Variants in FHIT observed in about 807,000 individuals in gnomAD.
FHIT encodes the protein fragile histidine triad diadenosine triphosphatase, also known as bis(5'-adenosyl)-triphosphatase.
FHIT carries 19 observed loss-of-function variants against 17.9 expected under a neutral mutation model. The observed-to-expected ratio is 1.06, with a 90% CI of 0.74 to 1.56. FHIT has a LOEUF of 1.56. FHIT is among the 40% of genes most tolerant of loss of function. The probability of loss-of-function intolerance (pLI) is 0.00; values close to 1 mark genes in which losing one functional copy is unlikely to be tolerated. For synonymous variants in FHIT, 81 were observed against 69.7 expected (o/e 1.16, Z -0.81); for missense variants, 248 against 189.2 (o/e 1.31, Z -1.82).
chr3:60,180,707 G>C (rs768059228), intron 5 of FHIT, among the ~76,000 whole-genome samples: 14 of 152,256 alleles, frequency 9.2e-5, no homozygotes, highest in Non-Finnish European at 1.3e-4. Flanking sequence ...ATTTGACGTT[G>C]ATGCTTTTTC....
chr3:61,181,168 A>G (rs1243213526), intron 2 of FHIT, among the ~76,000 whole-genome samples: 1 of 152,192 alleles, frequency 6.6e-6, no homozygotes, highest in African/African-American at 2.4e-5. Context: ...GTTCTTTGTC[A>G]ACGGAAAGAA....
intron 5 of FHIT, among the ~76,000 whole-genome samples, chr3:60,203,743 T>C (rs1496650): frequency 0.29 from 44,720 of 151,952 alleles, 6,777 homozygotes; most frequent in African/African-American, 0.31. Flanking sequence ...GCAAGAGAGA[T>C]GATAGTTAAT....
intron 5 of FHIT, among the ~76,000 whole-genome samples, chr3:60,498,018 C>T (rs1017634664): frequency 6.6e-6 from 1 of 152,156 alleles, no homozygotes; most frequent in East Asian, 1.9e-4. Context: ...CACAGCTACT[C>T]ATCTGTGTCA....
intron 3 of FHIT, among the ~76,000 whole-genome samples, chr3:60,915,508 T>C (rs1334082847): frequency 6.6e-6 from 1 of 152,194 alleles, no homozygotes; most frequent in Non-Finnish European, 1.5e-5. Context: ...CAATAGCCAG[T>C]GGATTTGAAT....
At chr3:60,440,331 G>A (rs1470213400) in intron 5 of FHIT, among the ~76,000 whole-genome samples, 1 of 151,970 alleles carries the variant, frequency 6.6e-6, no homozygotes, top group Non-Finnish European at 1.5e-5. Context: ...TGAGTGCCCT[G>A]TTACCCGTCT....
intron 5 of FHIT, among the ~76,000 whole-genome samples, chr3:60,516,396 G>A (rs975292768): frequency 2.0e-5 from 3 of 152,022 alleles, no homozygotes; most frequent in African/African-American, 4.8e-5. Context: ...AGATGTCTTC[G>A]CTAAAGCATA....
At chr3:60,931,977 G>T (rs1389067146) in intron 3 of FHIT, among the ~76,000 whole-genome samples, 1 of 152,108 alleles carries the variant, frequency 6.6e-6, no homozygotes, top group Admixed American at 6.5e-5. Context: ...GAACACTAAC[G>T]GCTACCTCAC....
At chr3:60,086,137 C>G (rs1374382788) in intron 5 of FHIT, among the ~76,000 whole-genome samples, 2 of 152,082 alleles carry the variant, frequency 1.3e-5, no homozygotes, top group Admixed American at 6.5e-5. Flanking sequence ...AGAGAGGAAG[C>G]AAGAGAGAGA....
intron 5 of FHIT, among the ~76,000 whole-genome samples, chr3:60,134,900 G>A (rs1324714740): frequency 6.6e-6 from 1 of 151,978 alleles, no homozygotes; most frequent in Non-Finnish European, 1.5e-5. Context: ...AGTCTGCCTT[G>A]GTATAGCCTC....
At chr3:59,999,310 G>A (rs1471415768) in intron 7 of FHIT, among the ~76,000 whole-genome samples, 2 of 152,072 alleles carry the variant, frequency 1.3e-5, no homozygotes, top group Admixed American at 1.3e-4. Flanking sequence ...GACTAACAGG[G>A]CCCATTTTGT....
chr3:60,851,244 A>C (rs1433002094), intron 3 of FHIT, among the ~76,000 whole-genome samples: 1 of 152,140 alleles, frequency 6.6e-6, no homozygotes, highest in Non-Finnish European at 1.5e-5. Context: ...TAATTCCCCC[A>C]CAGAATAAAA....
intron 5 of FHIT, among the ~76,000 whole-genome samples, chr3:60,014,748 A>G (rs1700276631): frequency 6.6e-6 from 1 of 152,204 alleles, no homozygotes. Flanking sequence ...TTATGACAAG[A>G]GTTCCTCAGA....
intron 5 of FHIT, among the ~76,000 whole-genome samples, chr3:60,462,815 A>C (rs1285305436): frequency 6.6e-6 from 1 of 152,216 alleles, no homozygotes; most frequent in Non-Finnish European, 1.5e-5. Flanking sequence ...TCACTGGGCT[A>C]ATACTTGTGA....
chr3:60,646,375 A>G (rs2039857538), intron 4 of FHIT, among the ~76,000 whole-genome samples: 1 of 152,198 alleles, frequency 6.6e-6, no homozygotes, highest in Admixed American at 6.5e-5. Context: ...TTGAAAAACA[A>G]CCGTGTAATT....
At chr3:60,489,589 C>T (rs2033979723) in intron 5 of FHIT, among the ~76,000 whole-genome samples, 1 of 152,204 alleles carries the variant, frequency 6.6e-6, no homozygotes, top group South Asian at 2.1e-4. Flanking sequence ...CACCTGCTTA[C>T]ACCATGCTAC....
chr3:60,251,643 T>C (rs185381738), intron 5 of FHIT, among the ~76,000 whole-genome samples: 25 of 152,326 alleles, frequency 1.6e-4, no homozygotes, highest in Non-Finnish European at 2.8e-4. Flanking sequence ...GTTGTGTGTG[T>C]GTATCTAAAA....
intron 4 of FHIT, among the ~76,000 whole-genome samples, chr3:60,564,408 G>T (rs948160507): frequency 1.3e-5 from 2 of 152,136 alleles, no homozygotes; most frequent in Non-Finnish European, 2.9e-5. Context: ...GATCAAGGAG[G>T]AATTCTGACT....
At chr3:60,260,162 A>C (rs1285289708) in intron 5 of FHIT, among the ~76,000 whole-genome samples, 1 of 152,076 alleles carries the variant, frequency 6.6e-6, no homozygotes, top group African/African-American at 2.4e-5. Context: ...TAGTGTTCTT[A>C]AGGAAGATCT....
intron 8 of FHIT, among the ~76,000 whole-genome samples, chr3:59,880,060 C>T (rs1307414310): frequency 6.6e-6 from 1 of 152,132 alleles, no homozygotes; most frequent in African/African-American, 2.4e-5. Flanking sequence ...AAGATCATGG[C>T]TTCAGATCAC....
Sources: gnomAD v4.1 joint callset for allele counts (sites outside exome capture counted in the v4.1 genomes callset) on GRCh38, gnomAD v4.1.1 for gene constraint, MANE v1.5 for transcripts, NCBI Gene and HGNC (gene_info 2026-07-23, HGNC 2026-07-21) for gene names.